Variants in CDKN2B-AS1 observed in about 807,000 individuals in gnomAD.
The protein encoded by CDKN2B-AS1 is CDKN2B antisense RNA 1 (non-protein coding).
At chr9:22,010,090 T>C (rs1278495422) in intron 1 of CDKN2B-AS1, among the ~76,000 whole-genome samples, 1 of 152,176 alleles carries the variant, frequency 6.6e-6, no homozygotes, top group Non-Finnish European at 1.5e-5. Flanking sequence ...CTTTGTCAGG[T>C]ATCTTATTTT....
At chr9:22,076,798 T>C (rs918920078) in intron 4 of CDKN2B-AS1, among the ~76,000 whole-genome samples, 1 of 152,188 alleles carries the variant, frequency 6.6e-6, no homozygotes, top group Non-Finnish European at 1.5e-5. Context: ...GCTCAAGCAA[T>C]CCTCTCACCT....
chr9:22,009,287 C>G, intron 1 of CDKN2B-AS1: 2 of 477,634 alleles, frequency 4.2e-6, no homozygotes, highest in East Asian at 4.0e-5. Context: ...CTCACTGCCC[C>G]GCCTCGCTCT....
intron 4 of CDKN2B-AS1, among the ~76,000 whole-genome samples, chr9:22,098,471 C>T (rs569041134): frequency 1.3e-5 from 2 of 151,046 alleles, no homozygotes; most frequent in African/African-American, 4.9e-5. Context: ...TATGTATCAC[C>T]TTTATAAAAA....
chr9:22,105,420 T>C (rs939481376), intron 4 of CDKN2B-AS1, among the ~76,000 whole-genome samples: 1 of 152,218 alleles, frequency 6.6e-6, no homozygotes, highest in Admixed American at 6.5e-5. Flanking sequence ...TTCCATGCAG[T>C]GTCTGCTGGG....
intron 1 of CDKN2B-AS1, among the ~76,000 whole-genome samples, chr9:22,016,245 G>A (rs1284922928): frequency 6.6e-5 from 10 of 152,124 alleles, no homozygotes; most frequent in African/African-American, 1.7e-4. Context: ...TACAAGGGAC[G>A]TGAAGGACCT....
intron 1 of CDKN2B-AS1, among the ~76,000 whole-genome samples, chr9:22,034,694 T>C (rs539560411): frequency 6.6e-6 from 1 of 152,080 alleles, no homozygotes; most frequent in South Asian, 2.1e-4. Flanking sequence ...ACTTTTTCTA[T>C]AGAGGTCCTG....
In CDKN2B-AS1 at chr9:22,079,506, T is replaced by TAA. The variant is rs74958544; in HGVS notation, n.438+23134_438+23135dup. Among the ~76,000 whole-genome samples the TAA allele has an allele frequency of 6.2e-3, 614 of 98,794 alleles. 11 individuals are homozygous for TAA. The highest frequency in any genetic ancestry group is 0.019 in the African/African-American group (577 of 29,864). 64.8% of individuals were successfully genotyped at this position (98,794 alleles called of 152,430 possible). ...GAGTGTGACAGAGCAAAACACCATC[T>TAA]AAAAAAAAAAAAAAAAGGGAAAGAA... On this transcript the variant is annotated intron_variant and non_coding_transcript_variant, in intron 4 of 4. Coordinates refer to ENST00000650946, the Ensembl canonical transcript of CDKN2B-AS1.
chr9:22,079,191 G>A (rs1284542848), intron 4 of CDKN2B-AS1, among the ~76,000 whole-genome samples: 1 of 152,208 alleles, frequency 6.6e-6, no homozygotes, highest in Non-Finnish European at 1.5e-5. Flanking sequence ...AGGATAGAAA[G>A]GCTGAAAAGT....
chr9:22,076,324 A>T (rs1214539413), intron 4 of CDKN2B-AS1, among the ~76,000 whole-genome samples: 1 of 152,146 alleles, frequency 6.6e-6, no homozygotes, highest in Non-Finnish European at 1.5e-5. Context: ...AAAGTGTGGG[A>T]TTACAGGTGT....
chr9:22,113,299 C>G (rs979004807), intron 4 of CDKN2B-AS1, among the ~76,000 whole-genome samples: 2 of 152,212 alleles, frequency 1.3e-5, no homozygotes, highest in African/African-American at 2.4e-5. Context: ...CATCTTCAGG[C>G]CAGCAATGGC....
At chr9:22,022,994 T>A (rs1822075597) in intron 1 of CDKN2B-AS1, among the ~76,000 whole-genome samples, 1 of 152,224 alleles carries the variant, frequency 6.6e-6, no homozygotes. Flanking sequence ...CTGAGAGGTC[T>A]GTTGTTAGTC....
At chr9:22,125,837 A>G (rs1056007262) in intron 4 of CDKN2B-AS1, among the ~76,000 whole-genome samples, 3 of 152,238 alleles carry the variant, frequency 2.0e-5, no homozygotes, top group African/African-American at 7.2e-5. Context: ...CTAAAAAAAG[A>G]ATAATATATA....
At chr9:22,032,145 G>GT (rs894861487) in intron 1 of CDKN2B-AS1, among the ~76,000 whole-genome samples, 5 of 152,036 alleles carry the variant, frequency 3.3e-5, no homozygotes, top group Admixed American at 6.6e-5. Context: ...AAGCTATGAG[G>GT]TTTTTTTTGG....
At chr9:22,007,121 A>G (rs911312323) in intron 1 of CDKN2B-AS1, among the ~76,000 whole-genome samples, 13 of 152,170 alleles carry the variant, frequency 8.5e-5, no homozygotes, top group African/African-American at 3.1e-4. Flanking sequence ...GCACTTTGGG[A>G]GGCCATAGCA....
intron 3 of CDKN2B-AS1, among the ~76,000 whole-genome samples, chr9:22,051,439 G>A (rs1460528922): frequency 6.6e-6 from 1 of 152,100 alleles, no homozygotes; most frequent in African/African-American, 2.4e-5. Context: ...GTTAAACTTG[G>A]TATTGATTTG....
intron 4 of CDKN2B-AS1, among the ~76,000 whole-genome samples, chr9:22,087,749 C>T (rs1203751947): frequency 6.6e-6 from 1 of 152,070 alleles, no homozygotes; most frequent in Non-Finnish European, 1.5e-5. Flanking sequence ...AATATTTTTC[C>T]TTAAGTTGTC....
chr9:21,995,026 A>T (rs554394716), upstream of CDKN2B-AS1: 4 of 152,378 alleles, frequency 2.6e-5, no homozygotes, highest in East Asian at 5.8e-4. This position sits in a 1 kb window ranked among gnomAD's most constrained non-coding sequence, Gnocchi z 5.7. Context: ...TTGAACTAAA[A>T]GCCGCTCCGC....
At chr9:22,025,432 C>T (rs897649848) in intron 1 of CDKN2B-AS1, among the ~76,000 whole-genome samples, 5 of 152,098 alleles carry the variant, frequency 3.3e-5, no homozygotes, top group Non-Finnish European at 5.9e-5. Flanking sequence ...TTCAGTTGTC[C>T]GTGGCGGCTC....
At position 21,997,611 on chromosome 9, in the gene CDKN2B-AS1, A is replaced by G. The variant is rs140068544; in HGVS notation, n.29+2450A>G. On this transcript the variant is annotated intron_variant and non_coding_transcript_variant, in intron 1 of 4. Coordinates refer to ENST00000650946, the Ensembl canonical transcript of CDKN2B-AS1. The surrounding 1 kb of genome is among the most constrained non-coding windows in gnomAD (Gnocchi z 4.8). ...GTTGTTGTTGCAAGACTTGAATCCA[A>G]AGGCAATCTGGAAGCAGAATTTCTT... Among the ~76,000 whole-genome samples, 3 of 152,228 alleles carry G rather than the reference A, an allele frequency of 2.0e-5. No individual in the cohort carries two copies. The highest frequency in any genetic ancestry group is 2.9e-5 in the Non-Finnish European group (2 of 68,028).
Sources: gnomAD v4.1 joint callset for allele counts (sites outside exome capture counted in the v4.1 genomes callset) on GRCh38, gnomAD v4.1.1 for gene constraint, Gnocchi (gnomAD v3.1) non-coding constraint, MANE v1.5 for transcripts, NCBI Gene and HGNC (gene_info 2026-07-23, HGNC 2026-07-21) for gene names.